RBBP8: variants seen among roughly 807,000 people sequenced by gnomAD.
The protein encoded by RBBP8 is RB binding protein 8, endonuclease.
A neutral mutation model predicts 108.3 loss-of-function variants in RBBP8; 88 were observed. The observed-to-expected ratio is 0.81, with a 90% CI of 0.68 to 0.97. The LOEUF (loss-of-function observed/expected upper bound fraction) is 0.97, where lower values mean the gene tolerates loss of function less well. Among genes scored for constraint, RBBP8 ranks in the 50% least tolerant of loss-of-function variants. The pLI is 0.00. For missense variants in RBBP8, 1,023 were observed against 1,049.0 expected, an observed-to-expected ratio of 0.98 and a Z score of 0.34; for synonymous variants, 332 against 348.2, an observed-to-expected ratio of 0.95 and a Z score of 0.52.
chr18:22,955,774 T>C (rs949435049), intron 4 of RBBP8, among the ~76,000 whole-genome samples: 8 of 151,782 alleles, frequency 5.3e-5, no homozygotes, highest in Admixed American at 3.9e-4. Context: ...TAGAGACGGG[T>C]TTTCACTGTG....
chr18:23,026,325 T>C lies in RBBP8; in HGVS notation c.*85T>C. ...TAAAGTTGGTACTAAACATTGATTT[T>C]TTTGATCTTCTGTAAATGGATTTAT... On this transcript the variant is annotated 3_prime_UTR_variant, in exon 19 of 19. Transcript: ENST00000327155. 1 of 1,140,344 alleles carries C rather than the reference T, an allele frequency of 8.8e-7. No homozygotes were observed. Among genetic ancestry groups the C allele is most frequent in the Non-Finnish European group, 1.3e-6 (1 of 768,724 alleles). 70.6% of individuals were successfully genotyped at this position (1,140,344 alleles called of 1,614,324 possible).
At chr18:23,000,783 A>G (rs927161710) in intron 14 of RBBP8, among the ~76,000 whole-genome samples, 6 of 152,108 alleles carry the variant, frequency 3.9e-5, no homozygotes, top group Non-Finnish European at 7.4e-5. Context: ...TTAAAGCCAT[A>G]ACATAAAGCC....
At chr18:22,949,282 G>A (rs963094173) in intron 3 of RBBP8, among the ~76,000 whole-genome samples, 1 of 152,184 alleles carries the variant, frequency 6.6e-6, no homozygotes, top group African/African-American at 2.4e-5. Flanking sequence ...TAGTAAAATA[G>A]AAAGTATGAG....
Position 22,984,915 on chromosome 18 carries a change from C to G in RBBP8, c.634C>G (p.His212Asp), listed in dbSNP as rs1172625763. Residue 212 changes from histidine to aspartate, a missense_variant, in exon 8 of 19, where the codon CAT becomes GAT. His to Asp is a moderately conservative substitution (Grantham distance 81, BLOSUM62 -1). Transcript: ENST00000327155. ...GAGAAAAGTTTCCAAGTCTTCAACT[C>G]ATCCACAACATAATCCTAATGAAAA... is the stretch of plus-strand genomic sequence containing the variant. The part of the protein sequence containing the change: ...EMRKVSKSST[H>D]PQHNPNENEI... The G allele has an allele frequency of 6.2e-7, 1 of 1,609,072 alleles. No individual in the cohort carries two copies. The highest frequency in any genetic ancestry group is 8.5e-7 in the Non-Finnish European group (1 of 1,176,396).
At chr18:23,021,878 A>G (rs757648857) in intron 17 of RBBP8, among the ~76,000 whole-genome samples, 8 of 151,656 alleles carry the variant, frequency 5.3e-5, no homozygotes, top group Non-Finnish European at 7.4e-5. Flanking sequence ...ATTGGTTTAC[A>G]TTGTGATACA....
chr18:22,922,404 T>C (rs545161076), intron 3 of RBBP8, among the ~76,000 whole-genome samples: 3 of 151,990 alleles, frequency 2.0e-5, no homozygotes, highest in East Asian at 1.9e-4. Context: ...GCACAGCAAA[T>C]ACAAAAAAGT....
intron 4 of RBBP8, among the ~76,000 whole-genome samples, chr18:22,968,318 G>A (rs1280784599): frequency 2.0e-5 from 3 of 151,880 alleles, no homozygotes; most frequent in Non-Finnish European, 4.4e-5. Flanking sequence ...TGATCCTGTC[G>A]CCGCAGCCTC....
chr18:22,952,759 TGGATATGTAGTAGA>T (rs1206470282), intron 4 of RBBP8, among the ~76,000 whole-genome samples: 1 of 152,180 alleles, frequency 6.6e-6, no homozygotes, highest in Non-Finnish European at 1.5e-5. Flanking sequence ...CTGTTTTCTC[TGGATATGTAGTAGA>T]GGATTTCAGG....
In RBBP8 at chr18:23,011,796, G is replaced by A. The variant is rs550531485; in HGVS notation, c.2358-5032G>A. Among the ~76,000 whole-genome samples, 7 of 152,182 alleles carry A rather than the reference G, an allele frequency of 4.6e-5. No homozygotes were observed. The South Asian group carries it at 1.0e-3, about 23-fold the overall frequency. Reference sequence around the variant, plus strand: ...ATGAACGATGCCCGTGTAAGACAGCGAACTCAATCAATGAATGTCGTGTGT... The same window carrying A: ...ATGAACGATGCCCGTGTAAGACAGCAAACTCAATCAATGAATGTCGTGTGT... On this transcript the variant is annotated intron_variant, in intron 16 of 18. Coordinates refer to ENST00000327155, the MANE Select transcript of RBBP8 (RefSeq NM_002894.3).
At chr18:22,919,139 G>T (rs1424091298) in intron 3 of RBBP8, among the ~76,000 whole-genome samples, 1 of 152,090 alleles carries the variant, frequency 6.6e-6, no homozygotes, top group East Asian at 1.9e-4. Context: ...AATTGATTAG[G>T]GAATGAAGCC....
At chr18:23,004,352 G>A (rs1034121393) in intron 15 of RBBP8, among the ~76,000 whole-genome samples, 1 of 152,006 alleles carries the variant, frequency 6.6e-6, no homozygotes, top group South Asian at 2.1e-4. Flanking sequence ...ACAAAATTCT[G>A]TCATTTGTGC....
intron 4 of RBBP8, among the ~76,000 whole-genome samples, chr18:22,958,629 T>C (rs1912798953): frequency 6.6e-6 from 1 of 152,202 alleles, no homozygotes; most frequent in Non-Finnish European, 1.5e-5. Context: ...CACTTCAGCA[T>C]CTACCTCCCA....
intron 2 of RBBP8, among the ~76,000 whole-genome samples, chr18:22,941,212 C>T (rs1364609469): frequency 6.6e-6 from 1 of 152,080 alleles, no homozygotes. Flanking sequence ...CACTCTGTCA[C>T]CCAGGCTGGA....
At chr18:22,974,869 T>C (rs542836079) in intron 5 of RBBP8, among the ~76,000 whole-genome samples, 2 of 152,324 alleles carry the variant, frequency 1.3e-5, no homozygotes, top group African/African-American at 4.8e-5. Context: ...CCTCAGTATG[T>C]ATAATTATAC....
chr18:22,996,246 A>T, intron 12 of RBBP8, 128 bp from the exon 13 acceptor site: 1 of 1,426,332 alleles, frequency 7.0e-7, no homozygotes, highest in Non-Finnish European at 9.3e-7. Flanking sequence ...TATATATCTT[A>T]GATATAAGTC....
rs778092946 is a variant in RBBP8, at chr18:22,993,823, A to G, written c.1915A>G (p.Ile639Val). Residue 639 changes from isoleucine (I) to valine (V), a missense_variant, in exon 12 of 19, where the codon ATA becomes GTA. By Grantham distance (29) the Ile-to-Val change is conservative. Transcript: ENST00000327155. ...GTTAAATCCATGTAGAACTGGTAAAATAAAGTCTCTACAAAACAACCAAGG... is the reference window on the plus strand; with the variant it reads ...GTTAAATCCATGTAGAACTGGTAAAGTAAAGTCTCTACAAAACAACCAAGG... ...LQLNPCRTGK[I>V]KSLQNNQDVS... 42 of 1,613,536 alleles carry G rather than the reference A, an allele frequency of 2.6e-5. No homozygotes were observed. The highest frequency in any genetic ancestry group is 3.1e-5 in the Non-Finnish European group (36 of 1,179,636).
chr18:22,940,612 G>A (rs1422499441), intron 2 of RBBP8, among the ~76,000 whole-genome samples: 2 of 151,818 alleles, frequency 1.3e-5, no homozygotes, highest in Admixed American at 1.3e-4. Flanking sequence ...GAGCCACTGC[G>A]CCCGGTCTAT....
At position 22,924,453 on chromosome 18, in the gene RBBP8, T is replaced by G. The variant is rs1380781526; in HGVS notation, c.-153-4930T>G. ...AAGCTTTTTGAAGTAAAAAGAAAAA[T>G]GTACTTGCTCTGTCACCCAGGTTGG... On this transcript the variant is annotated intron_variant, in intron 3 of 4. Transcript: ENST00000577588. Among the ~76,000 whole-genome samples the G allele has an allele frequency of 2.0e-5, 3 of 149,664 alleles. No homozygotes were observed. The South Asian group carries it at 6.4e-4, about 32-fold the overall frequency.
intron 6 of RBBP8, among the ~76,000 whole-genome samples, chr18:22,980,668 C>T (rs1426838537): frequency 6.6e-6 from 1 of 150,718 alleles, no homozygotes; most frequent in Non-Finnish European, 1.5e-5. Context: ...GCAGATGTGA[C>T]AGGGTTTTCA....
Sources: allele counts gnomAD v4.1 joint callset (sites outside exome capture counted in the v4.1 genomes callset), GRCh38; gene constraint gnomAD v4.1.1; transcripts MANE v1.5; gene names NCBI Gene and HGNC (gene_info 2026-07-23, HGNC 2026-07-21).